Variants in TAFA5 observed in about 807,000 individuals in gnomAD.
TAFA5 encodes the protein chemokine-like protein TAFA-5.
Under a neutral mutation model 15.3 loss-of-function variants are expected in TAFA5, and 6 were observed. The observed-to-expected ratio is 0.39, with a 90% CI of 0.21 to 0.77. The LOEUF (loss-of-function observed/expected upper bound fraction) is 0.77. Ranked by LOEUF, TAFA5 falls within the 30% of genes least tolerant of loss-of-function variation. The pLI, the probability that TAFA5 is intolerant of heterozygous loss-of-function variation, is 0.41. For synonymous variants in TAFA5, 103 were observed against 80.7 expected (o/e 1.28, Z -1.48); for missense variants, 161 against 193.1 (o/e 0.83, Z 0.98).
At chr22:48,693,101 C>A in intron 2 of TAFA5, 1 of 610,366 alleles carries the variant, frequency 1.6e-6, no homozygotes, top group East Asian at 2.8e-5. Context: ...TCGACCCTGT[C>A]CGCCCACTCG....
At chr22:48,717,654 C>G (rs1929442965) in intron 3 of TAFA5, among the ~76,000 whole-genome samples, 1 of 152,216 alleles carries the variant, frequency 6.6e-6, no homozygotes. Context: ...TTCATCAGGC[C>G]CCGTTCTCTG....
intron 2 of TAFA5, among the ~76,000 whole-genome samples, chr22:48,651,950 C>A (rs1451270972): frequency 6.6e-6 from 1 of 152,180 alleles, no homozygotes; most frequent in Non-Finnish European, 1.5e-5. Flanking sequence ...GCAGTGACTG[C>A]AGGAGCCAGG....
At chr22:48,541,105 G>C (rs133471) in intron 1 of TAFA5, among the ~76,000 whole-genome samples, 17,259 of 152,100 alleles carry the variant, frequency 0.11, 1,254 homozygotes, top group Non-Finnish European at 0.16. Context: ...GCCACTGAAC[G>C]GCAGCACTTC....
chr22:48,575,667 G>C (rs1390875245), intron 1 of TAFA5, among the ~76,000 whole-genome samples: 1 of 146,086 alleles, frequency 6.8e-6, no homozygotes, highest in Admixed American at 6.8e-5. Flanking sequence ...GGTGGGCCCG[G>C]ACCTAGTCCC....
chr22:48,530,066 G>A lies in TAFA5; in HGVS notation c.112+40362G>A. 6.6e-6 allele frequency among the ~76,000 whole-genome samples: 1 copy of A among 152,276 alleles called. No individual in the cohort carries two copies. The highest frequency in any genetic ancestry group is 1.5e-5 in the Non-Finnish European group (1 of 68,000). ...GCAGAGGCCGTGGGCCCTCTGCTTT[G>A]TGGGGCTGGGCTGAGTAGGGTGAGG... On this transcript the variant is annotated intron_variant, in intron 1 of 3. Transcript: ENST00000402357. This position sits in a 1 kb window ranked among gnomAD's most constrained non-coding sequence, Gnocchi z 6.0.
At chr22:48,708,261 A>G (rs130149) in intron 3 of TAFA5, among the ~76,000 whole-genome samples, 106,620 of 152,062 alleles carry the variant, frequency 0.7, 37,552 homozygotes, top group Middle Eastern at 0.72. Flanking sequence ...TTCTGTGGAG[A>G]CAGGGCCAGG....
At chr22:48,665,474 A>G (rs1033302463) in intron 2 of TAFA5, among the ~76,000 whole-genome samples, 1 of 152,160 alleles carries the variant, frequency 6.6e-6, no homozygotes, top group Non-Finnish European at 1.5e-5. Flanking sequence ...CAAAGCCGTG[A>G]GACGTTCTCT....
chr22:48,602,477 G>A (rs895986334), intron 1 of TAFA5, among the ~76,000 whole-genome samples: 3 of 152,220 alleles, frequency 2.0e-5, no homozygotes, highest in African/African-American at 4.8e-5. Flanking sequence ...GGAGGCATCC[G>A]TGGAGGTGGG....
chr22:48,594,037 C>A (rs1314254331), intron 1 of TAFA5, among the ~76,000 whole-genome samples: 2 of 152,184 alleles, frequency 1.3e-5, no homozygotes. Context: ...GTGATAAATG[C>A]CAGAAAACAA....
intron 2 of TAFA5, among the ~76,000 whole-genome samples, chr22:48,672,984 T>C (rs1198989057): frequency 2.0e-5 from 3 of 152,164 alleles, no homozygotes; most frequent in African/African-American, 7.2e-5. Context: ...TCCAGGACAG[T>C]GTGGAACAGA....
chr22:48,515,559 T>G (rs891031104), intron 1 of TAFA5, among the ~76,000 whole-genome samples: 6 of 152,146 alleles, frequency 3.9e-5, no homozygotes, highest in Admixed American at 6.5e-5. Flanking sequence ...CATCTGCTCG[T>G]CTGCTCTCCC....
At chr22:48,509,954 AAAAAAAAAAAAG>A (rs1344634781) in intron 1 of TAFA5, among the ~76,000 whole-genome samples, 3 of 141,348 alleles carry the variant, frequency 2.1e-5, no homozygotes, top group Non-Finnish European at 4.8e-5. Flanking sequence ...CTGTCTCAAA[AAAAAAAAAAAAG>A]AAAAAGAAAA....
chr22:48,736,637 C>T (rs557997354), intron 3 of TAFA5, among the ~76,000 whole-genome samples: 42 of 152,344 alleles, frequency 2.8e-4, no homozygotes, highest in African/African-American at 9.4e-4. Flanking sequence ...ACAGCCATGA[C>T]TGGAATATTA....
intron 1 of TAFA5, among the ~76,000 whole-genome samples, chr22:48,576,126 G>A (rs1299221879): frequency 7.0e-6 from 1 of 142,974 alleles, no homozygotes. Context: ...CGGGGGCGGC[G>A]GCGGGGCTGA....
At chr22:48,722,757 A>G (rs544242703) in intron 3 of TAFA5, among the ~76,000 whole-genome samples, 1 of 152,340 alleles carries the variant, frequency 6.6e-6, no homozygotes, top group East Asian at 1.9e-4. Flanking sequence ...GGTGCACGCC[A>G]CAGGGGCAGT....
chr22:48,699,020 C>T (rs1928818823), intron 2 of TAFA5, among the ~76,000 whole-genome samples: 1 of 150,244 alleles, frequency 6.7e-6, no homozygotes, highest in Admixed American at 6.7e-5. Context: ...CGGCTCACTG[C>T]AACCTCTGCT....
At chr22:48,578,720 C>G (rs542370199) in intron 1 of TAFA5, among the ~76,000 whole-genome samples, 1 of 152,188 alleles carries the variant, frequency 6.6e-6, no homozygotes, top group African/African-American at 2.4e-5. Flanking sequence ...CCTTCACCAC[C>G]CTGGGTTGAG....
chr22:48,680,354 A>G (rs1017627079), intron 2 of TAFA5, among the ~76,000 whole-genome samples: 2 of 152,208 alleles, frequency 1.3e-5, no homozygotes, highest in African/African-American at 4.8e-5. Context: ...AGGAGACTTT[A>G]GTGCACAGCC....
rs1217476624 is a variant in TAFA5, at chr22:48,550,469, C to A, written c.112+60765C>A. Among the ~76,000 whole-genome samples, 1 of 152,192 alleles carries A rather than the reference C, an allele frequency of 6.6e-6. No homozygotes were observed. The highest frequency in any genetic ancestry group is 1.5e-5 in the Non-Finnish European group (1 of 68,028). On this transcript the variant is annotated intron_variant, in intron 1 of 3. Coordinates refer to ENST00000402357, the MANE Select transcript of TAFA5 (RefSeq NM_001082967.3). This position sits in a 1 kb window ranked among gnomAD's most constrained non-coding sequence, Gnocchi z 4.1. ...GCTAAGAGGTCACATCTGGATGGAA[C>A]CAGATGTGAGGGCTTTGACCCCCAC...
Sources: gnomAD v4.1 joint callset for allele counts (sites outside exome capture counted in the v4.1 genomes callset) on GRCh38, gnomAD v4.1.1 for gene constraint, Gnocchi (gnomAD v3.1) non-coding constraint, MANE v1.5 for transcripts, NCBI Gene and HGNC (gene_info 2026-07-23, HGNC 2026-07-21) for gene names.